The following TBL1X variants were observed in gnomAD, a reference collection of about 807,000 sequenced individuals.
The protein encoded by TBL1X is transducin beta like 1 X-linked.
A neutral mutation model predicts 50.7 loss-of-function variants in TBL1X; 10 were observed. The ratio of observed to expected loss-of-function variants is 0.20; its 90% CI spans 0.12 to 0.33. TBL1X has a LOEUF of 0.33. Ranked by LOEUF, TBL1X falls within the 10% of genes least tolerant of loss-of-function variation. The probability of loss-of-function intolerance (pLI) is 1.00; values close to 1 mark genes in which losing one functional copy is unlikely to be tolerated. For missense variants in TBL1X, 340 were observed against 504.4 expected, an observed-to-expected ratio of 0.67 and a Z score of 3.12; for synonymous variants, 190 against 214.7, an observed-to-expected ratio of 0.88 and a Z score of 1.01.
chrX:9,612,068 C>T (rs1387364631), intron 2 of TBL1X, among the ~76,000 whole-genome samples: 1 of 113,007 alleles, frequency 8.8e-6, no homozygotes. Flanking sequence ...TCAGGTGTCT[C>T]ACAGAACCTA....
chrX:9,565,189 G>A (rs866641568), intron 2 of TBL1X, among the ~76,000 whole-genome samples: 6 of 100,960 alleles, frequency 5.9e-5, no homozygotes, highest in East Asian at 3.1e-4. Flanking sequence ...GGAGAATGGC[G>A]TGAACCCGGG....
chrX:9,605,755 G>C (rs2082579805), intron 2 of TBL1X, among the ~76,000 whole-genome samples: 1 of 112,546 alleles, frequency 8.9e-6, no homozygotes, highest in African/African-American at 3.2e-5. Flanking sequence ...TGGCAAGACA[G>C]TTCCAGTCTG....
At chrX:9,565,850 C>CA (rs1269054724) in intron 2 of TBL1X, among the ~76,000 whole-genome samples, 1 of 110,850 alleles carries the variant, frequency 9.0e-6, no homozygotes, top group African/African-American at 3.3e-5. Flanking sequence ...ACAAAAACAA[C>CA]AACAAAAAAA....
intron 1 of TBL1X, among the ~76,000 whole-genome samples, chrX:9,469,841 C>T (rs1042197852): frequency 3.7e-4 from 41 of 112,290 alleles, no homozygotes; most frequent in African/African-American, 1.3e-3. Flanking sequence ...GGGATCCCAT[C>T]TGAATGTAAC....
intron 1 of TBL1X, among the ~76,000 whole-genome samples, chrX:9,500,289 AAAAAAAAGCAAG>A (rs2081993933): frequency 1.4e-5 from 1 of 70,794 alleles, no homozygotes; most frequent in Non-Finnish European, 2.8e-5. Context: ...AAAAAAAAAA[AAAAAAAAGCAAG>A]AAAAAAAAAG....
At chrX:9,496,544 T>C (rs1044416270) in intron 1 of TBL1X, among the ~76,000 whole-genome samples, 1 of 112,937 alleles carries the variant, frequency 8.9e-6, no homozygotes, top group Non-Finnish European at 1.9e-5. Context: ...ACTGGCTCTT[T>C]TAAATTAAAA....
intron 2 of TBL1X, chrX:9,534,926 TG>T (rs2082180475): frequency 1.8e-5 from 2 of 111,961 alleles, no homozygotes; most frequent in South Asian, 3.7e-4. Flanking sequence ...TTCCACTCCC[TG>T]CTTCTTTGAA....
At chrX:9,463,984 A>G (rs1456669452), upstream of TBL1X, among the ~76,000 whole-genome samples, 1 of 112,247 alleles carries the variant, frequency 8.9e-6, no homozygotes, top group Non-Finnish European at 1.9e-5. Flanking sequence ...AGTTCGAGGA[A>G]GAGCAAGTGA....
At chrX:9,561,530 C>T (rs892793586) in intron 2 of TBL1X, among the ~76,000 whole-genome samples, 9 of 111,854 alleles carry the variant, frequency 8.0e-5, no homozygotes, top group Admixed American at 2.8e-4. Context: ...AGTATAGAAA[C>T]ATGTTCTCTG....
intron 5 of TBL1X, among the ~76,000 whole-genome samples, chrX:9,671,805 GCAAA>G (rs1029496556): frequency 2.7e-5 from 3 of 112,270 alleles, no homozygotes; most frequent in African/African-American, 6.5e-5. Context: ...TGTGCTAGTT[GCAAA>G]CAAACTGTTT....
At chrX:9,640,028 CTT>C (rs1413123879) in intron 2 of TBL1X, 7 of 112,216 alleles carry the variant, frequency 6.2e-5, no homozygotes, top group Admixed American at 2.8e-4. Context: ...TTTTGAGACT[CTT>C]TTATTTCAGA....
intron 2 of TBL1X, among the ~76,000 whole-genome samples, chrX:9,512,621 C>T (rs2082061702): frequency 9.1e-6 from 1 of 110,105 alleles, no homozygotes. Flanking sequence ...CCTCAGCATC[C>T]CTAGTAGCTG....
intron 2 of TBL1X, among the ~76,000 whole-genome samples, chrX:9,543,775 C>T (rs745709247): frequency 2.7e-5 from 3 of 111,631 alleles, no homozygotes; most frequent in Admixed American, 9.5e-5. Context: ...CGACACAAAT[C>T]GAAAATTCCA....
rs757679440 is a variant in TBL1X at position 9,565,271 on chromosome X, C to CAAAAAAAAA, written c.-131+63436_-131+63444dup. Among the ~76,000 whole-genome samples the CAAAAAAAAA allele has an allele frequency of 4.4e-3, 165 of 37,271 alleles. 12 individuals are homozygous for CAAAAAAAAA. Among genetic ancestry groups the CAAAAAAAAA allele is most frequent in the Non-Finnish European group, 5.6e-3 (127 of 22,660 alleles). The allele number at this position is 37,271 out of a possible 115,157, so 32.4% of individuals were successfully genotyped here. A position where few individuals can be genotyped will look rare whatever the true frequency, so the allele number is the denominator to read the frequency against. ...TGGGTGGCAGAGCGAGACTCCGTCTCAAAAAAAAAAAAAAAAAAAAAATCA... is the reference window on the plus strand; with the variant it reads ...TGGGTGGCAGAGCGAGACTCCGTCTCAAAAAAAAAAAAAAAAAAAAAAAAAAAAAAATCA... On this transcript the variant is annotated intron_variant, in intron 2 of 17. Coordinates refer to ENST00000645353, the MANE Select transcript of TBL1X (RefSeq NM_005647.4).
chrX:9,500,567 G>C (rs2081996067), intron 1 of TBL1X, among the ~76,000 whole-genome samples: 1 of 112,264 alleles, frequency 8.9e-6, no homozygotes, highest in African/African-American at 3.2e-5. Flanking sequence ...TTGCACTCTA[G>C]CCTGAGCAAC....
chrX:9,694,790 A>G (rs1432610643), intron 11 of TBL1X, among the ~76,000 whole-genome samples: 1 of 110,285 alleles, frequency 9.1e-6, no homozygotes, highest in Admixed American at 9.7e-5. Flanking sequence ...CCTGACCAAC[A>G]TGGAGAAACC....
intron 2 of TBL1X, among the ~76,000 whole-genome samples, chrX:9,600,109 C>T (rs919541344): frequency 5.4e-5 from 6 of 111,890 alleles, no homozygotes; most frequent in African/African-American, 1.9e-4. Context: ...TTGCTTTTAG[C>T]TGCCTGCAAT....
chrX:9,590,508 A>G (rs1472256234), intron 2 of TBL1X, among the ~76,000 whole-genome samples: 1 of 112,088 alleles, frequency 8.9e-6, no homozygotes, highest in Non-Finnish European at 1.9e-5. Flanking sequence ...AAGGATGTGG[A>G]TCAAAACAAA....
intron 2 of TBL1X, among the ~76,000 whole-genome samples, chrX:9,570,137 A>T (rs919974565): frequency 1.8e-5 from 2 of 112,464 alleles, no homozygotes; most frequent in Non-Finnish European, 3.8e-5. Flanking sequence ...TCTCTGGCTG[A>T]TGAAAAGTCC....
Sources: allele counts gnomAD v4.1 joint callset (sites outside exome capture counted in the v4.1 genomes callset), GRCh38; gene constraint gnomAD v4.1.1; transcripts MANE v1.5; gene names NCBI Gene and HGNC (gene_info 2026-07-23, HGNC 2026-07-21).